Variants in GSN observed in about 807,000 individuals in gnomAD.
GSN encodes gelsolin.
GSN carries 56 observed loss-of-function variants against 85.7 expected under a neutral mutation model. The observed-to-expected ratio is 0.65, with a 90% confidence interval of 0.53 to 0.82. The LOEUF is 0.82. Among genes scored for constraint, GSN ranks in the 40% least tolerant of loss-of-function variants. GSN has a pLI of 0.00. For synonymous variants in GSN, 373 were observed against 399.1 expected, an observed-to-expected ratio of 0.93 and a Z score of 0.78; for missense variants, 857 against 979.8, an observed-to-expected ratio of 0.87 and a Z score of 1.67.
Position 121,299,935 on chromosome 9 carries a change from T to C in GSN, c.-9-2028T>C. 7.9e-7 allele frequency: 1 copy of C among 1,261,596 alleles called. No individual in the cohort carries two copies. The highest frequency in any genetic ancestry group is 1.0e-6 in the Non-Finnish European group (1 of 1,001,966). 78.2% of individuals were successfully genotyped at this position (1,261,596 alleles called of 1,614,324 possible). ...GCGCTGTGCGCGCTGTCGCTGCCCG[T>C]CCGCGCGGCCACTGCGTCGCGGGGG... On this transcript the variant is annotated intron_variant, in intron 2 of 17. Transcript: ENST00000432226. This position sits in a 1 kb window ranked among gnomAD's most constrained non-coding sequence, Gnocchi z 4.2.
chr9:121,243,653 C>T (rs1445226118), intron 5 of GSN, among the ~76,000 whole-genome samples: 1 of 152,246 alleles, frequency 6.6e-6, no homozygotes, highest in African/African-American at 2.4e-5. Flanking sequence ...TCTTGGCTCA[C>T]TGTAACCTCT....
At chr9:121,331,230 C>T (rs2063848389) in intron 16 of GSN, among the ~76,000 whole-genome samples, 158 bp from the exon 17 acceptor site, 1 of 152,206 alleles carries the variant, frequency 6.6e-6, no homozygotes. Context: ...TGCCAGTTTT[C>T]AACCTCTGTT....
intron 4 of GSN, among the ~76,000 whole-genome samples, chr9:121,213,652 TG>T (rs886078854): frequency 2.4e-4 from 37 of 152,322 alleles, no homozygotes; most frequent in African/African-American, 8.4e-4. Flanking sequence ...TAATATTAAT[TG>T]GTGACTTCTT....
At chr9:121,295,797 G>T (rs1048031964) in intron 2 of GSN, among the ~76,000 whole-genome samples, 1 of 152,230 alleles carries the variant, frequency 6.6e-6, no homozygotes, top group Non-Finnish European at 1.5e-5. Flanking sequence ...CAGGATCCAG[G>T]AATAGCCGAG....
At chr9:121,278,958 G>A (rs1046130029) in intron 1 of GSN, among the ~76,000 whole-genome samples, 2 of 152,248 alleles carry the variant, frequency 1.3e-5, no homozygotes, top group African/African-American at 4.8e-5. Flanking sequence ...GTGCACGTAT[G>A]TGTTACACAC....
chr9:121,215,215 A>ACCC (rs35261410), intron 4 of GSN, among the ~76,000 whole-genome samples: 1 of 132,262 alleles, frequency 7.6e-6, no homozygotes, highest in Non-Finnish European at 1.6e-5. Flanking sequence ...TGAATTAAGG[A>ACCC]CCCCCCCCCC....
At chr9:121,234,281 T>C (rs542961450) in intron 5 of GSN, among the ~76,000 whole-genome samples, 6 of 152,350 alleles carry the variant, frequency 3.9e-5, no homozygotes, top group Admixed American at 2.0e-4. Context: ...ATTCTACTAC[T>C]TCTAGTAAGA....
intron 3 of GSN, 102 bp downstream of exon 3, chr9:121,302,269 G>T: frequency 1.5e-6 from 2 of 1,295,848 alleles, no homozygotes; most frequent in Non-Finnish European, 2.2e-6. Flanking sequence ...TGAGCACCTA[G>T]TATGTGCTGG....
intron 4 of GSN, among the ~76,000 whole-genome samples, chr9:121,225,773 C>T (rs1265405761): frequency 1.3e-5 from 2 of 152,132 alleles, no homozygotes; most frequent in Admixed American, 6.6e-5. Flanking sequence ...AGATGATTAG[C>T]GTAGACTGCC....
chr9:121,201,939 G>A, the GSN span: 916 of 153,464 alleles, frequency 6.0e-3, 4 homozygotes, highest in Non-Finnish European at 0.011. Context: ...AGGGGGAGAA[G>A]ATGCGCGCGC....
chr9:121,328,751 G>C, intron 14 of GSN, 140 bp from the exon 15 acceptor site: 1 of 918,232 alleles, frequency 1.1e-6, no homozygotes, highest in Non-Finnish European at 1.7e-6. Context: ...CTTCCCTCTG[G>C]ATCTCCTGGG....
intron 13 of GSN, chr9:121,327,074 C>T (rs2133889723): frequency 2.9e-6 from 2 of 691,238 alleles, no homozygotes; most frequent in East Asian, 5.5e-5. Flanking sequence ...CATTCAACTT[C>T]TGTTAATGCA....
At chr9:121,306,457 T>C (rs1199107452) in intron 4 of GSN, among the ~76,000 whole-genome samples, 3 of 152,228 alleles carry the variant, frequency 2.0e-5, no homozygotes, top group Non-Finnish European at 2.9e-5. Context: ...TACAGAAATA[T>C]AGGTTCCAGA....
chr9:121,275,117 G>C (rs1023771126), intron 1 of GSN, among the ~76,000 whole-genome samples: 3 of 152,110 alleles, frequency 2.0e-5, no homozygotes, highest in Non-Finnish European at 4.4e-5. Flanking sequence ...AGAGTACAGC[G>C]ACCATTTTCC....
chr9:121,281,706 G>T, intron 2 of GSN, 144 bp downstream of exon 2: 1 of 471,200 alleles, frequency 2.1e-6, no homozygotes, highest in South Asian at 1.5e-5. Context: ...TCCTAATAAG[G>T]CTCAGAGTGC....
rs369305328 is a variant in GSN, at chr9:121,302,937, G to T, written c.223G>T (p.Gly75Trp). ...LGNECSQDES[G>W]AAAIFTVQLD... Reference sequence around the variant, plus strand: ...CAATGAGTGCAGCCAGGATGAGAGCGGGGCGGCCGCCATCTTTACCGTGCA... The same window carrying T: ...CAATGAGTGCAGCCAGGATGAGAGCTGGGCGGCCGCCATCTTTACCGTGCA... The change falls in exon 4 of 18, where the codon GGG (glycine) becomes TGG (tryptophan). Residue 75 changes from glycine (G) to tryptophan (W), a missense_variant. Transcript: ENST00000432226. 1 of 1,613,946 alleles carries T rather than the reference G, an allele frequency of 6.2e-7. No individual in the cohort carries two copies. The highest frequency in any genetic ancestry group is 8.5e-7 in the Non-Finnish European group (1 of 1,180,016).
At chr9:121,203,712 G>A (rs2053840252), upstream of GSN, among the ~76,000 whole-genome samples, 1 of 152,186 alleles carries the variant, frequency 6.6e-6, no homozygotes, top group South Asian at 2.1e-4. Context: ...GTATGCAGTT[G>A]TGCATGTCAC....
chr9:121,313,060 C>T lies in GSN; in HGVS notation c.663+572C>T, dbSNP rs199830179. On this transcript the variant is annotated intron_variant, in intron 6 of 17. Transcript: ENST00000432226. ...CCAAGGCTGTGCTGTGAGTGTGAGC[C>T]GCATTCTCCAGTGGGGAGGGCCAGG... is the stretch of plus-strand genomic sequence containing the variant. 2.6e-4 allele frequency: 40 copies of T among 154,398 alleles called. No homozygotes were observed. In the South Asian group the frequency reaches 6.9e-3, roughly 27 times the overall value. 9.6% of individuals were successfully genotyped at this position (154,398 alleles called of 1,614,324 possible).
At chr9:121,213,728 C>G (rs2054007543) in intron 4 of GSN, among the ~76,000 whole-genome samples, 2 of 152,266 alleles carry the variant, frequency 1.3e-5, no homozygotes, top group South Asian at 4.2e-4. Context: ...GAGATCAGCC[C>G]TTAGAGCCCC....
Sources: gnomAD v4.1 joint callset for allele counts (sites outside exome capture counted in the v4.1 genomes callset) on GRCh38, gnomAD v4.1.1 for gene constraint, Gnocchi (gnomAD v3.1) non-coding constraint, MANE v1.5 for transcripts, NCBI Gene and HGNC (gene_info 2026-07-23, HGNC 2026-07-21) for gene names.